SEMA3D: variants seen among roughly 807,000 people sequenced by gnomAD.
SEMA3D encodes the protein semaphorin-3D.
Under a neutral mutation model 100.1 loss-of-function variants are expected in SEMA3D, and 84 were observed. The ratio of observed to expected loss-of-function variants is 0.84; its 90% CI spans 0.70 to 1.01. SEMA3D has a LOEUF of 1.01. Among genes scored for constraint, SEMA3D ranks in the 50% least tolerant of loss-of-function variants. The probability of loss-of-function intolerance (pLI) is 0.00; values close to 1 mark genes in which losing one functional copy is unlikely to be tolerated. For missense variants in SEMA3D, 875 were observed against 934.1 expected, an observed-to-expected ratio of 0.94 and a Z score of 0.82; for synonymous variants, 312 against 320.7, an observed-to-expected ratio of 0.97 and a Z score of 0.29.
At chr7:85,125,090 TA>T (rs1203102422) in intron 2 of SEMA3D, among the ~76,000 whole-genome samples, 1 of 152,040 alleles carries the variant, frequency 6.6e-6, no homozygotes, top group Non-Finnish European at 1.5e-5. Context: ...AAGTGAAAGG[TA>T]AAATGAATGC....
At chr7:85,143,001 T>C in intron 2 of SEMA3D, 3 of 975,912 alleles carry the variant, frequency 3.1e-6, no homozygotes, top group Non-Finnish European at 3.7e-6. Context: ...CTAAACTTTT[T>C]TATCTTTTCA....
Position 85,083,740 on chromosome 7 carries a change from G to C in SEMA3D, c.313-2161C>G, listed in dbSNP as rs1445550401. On this transcript the variant is annotated intron_variant, in intron 4 of 18. Coordinates refer to ENST00000284136, the MANE Select transcript of SEMA3D (RefSeq NM_001384900.1). ...CGGGCGCCTGTAGTCCCAGCTACTC[G>C]GGAGGCTGAGGCAGGAGAATGGCGT... Among the ~76,000 whole-genome samples the C allele has an allele frequency of 1.6e-4, 23 of 148,194 alleles. 1 individual carries two copies. Among genetic ancestry groups the C allele is most frequent in the African/African-American group, 3.2e-4 (13 of 40,378 alleles).
chr7:85,225,319 C>T, the SEMA3D span, among the ~76,000 whole-genome samples: 1 of 149,568 alleles, frequency 6.7e-6, no homozygotes, highest in Non-Finnish European at 1.5e-5. Flanking sequence ...TTTTCTTTTC[C>T]CCTTCTCCTT....
chr7:85,152,349 G>T (rs556106852), intron 2 of SEMA3D, among the ~76,000 whole-genome samples: 2 of 152,038 alleles, frequency 1.3e-5, no homozygotes, highest in Admixed American at 1.3e-4. Context: ...TTTGATCTCC[G>T]ATCACCAAAT....
At chr7:85,066,892 T>TCACACACACACACACACACACACACACA (rs542898682) in intron 7 of SEMA3D, among the ~76,000 whole-genome samples, 1 of 106,876 alleles carries the variant, frequency 9.4e-6, no homozygotes, top group African/African-American at 3.9e-5. Context: ...AAATGTGCGC[T>TCACACACACACACACACACACACACACA]CACACACACA....
At chr7:85,187,897 C>T (rs556299340), upstream of SEMA3D, among the ~76,000 whole-genome samples, 4 of 152,312 alleles carry the variant, frequency 2.6e-5, no homozygotes, top group East Asian at 7.7e-4. Context: ...TTTTTAGCTG[C>T]ATGGTAAATC....
intron 12 of SEMA3D, among the ~76,000 whole-genome samples, chr7:85,036,267 T>A (rs1253517469): frequency 6.6e-6 from 1 of 152,120 alleles, no homozygotes; most frequent in Admixed American, 6.6e-5. Flanking sequence ...GAACTGCAGT[T>A]GTTTTTTGTT....
At chr7:85,116,347 T>C in intron 3 of SEMA3D, among the ~76,000 whole-genome samples, 1 of 146,600 alleles carries the variant, frequency 6.8e-6, no homozygotes, top group South Asian at 2.1e-4. Flanking sequence ...TTTATGTATA[T>C]TTATATATTA....
rs1348675734 is a variant in SEMA3D at position 85,081,502 on chromosome 7, C to G, written c.375+15G>C. ...AGAAGTTTTACAAAGATAATTGTTA[C>G]AGTTTCATACTTACATTGGCATCTT... On this transcript the variant is annotated intron_variant, in intron 5 of 18. Coordinates refer to ENST00000284136, the MANE Select transcript of SEMA3D (RefSeq NM_001384900.1). The G allele has an allele frequency of 6.5e-7, 1 of 1,547,568 alleles. No individual in the cohort carries two copies. Among genetic ancestry groups the G allele is most frequent in the Non-Finnish European group, 8.9e-7 (1 of 1,119,844 alleles).
At chr7:85,120,851 T>G (rs1424991710) in intron 3 of SEMA3D, among the ~76,000 whole-genome samples, 1 of 152,174 alleles carries the variant, frequency 6.6e-6, no homozygotes, top group Non-Finnish European at 1.5e-5. Flanking sequence ...ATTGTTTAAC[T>G]CTTTAATACA....
At chr7:85,191,526 G>C (rs1386719217), upstream of SEMA3D, among the ~76,000 whole-genome samples, 1 of 152,116 alleles carries the variant, frequency 6.6e-6, no homozygotes, top group African/African-American at 2.4e-5. Context: ...ATACCCAGCT[G>C]AGGCAAGCCT....
chr7:85,048,643 T>C (rs1469543057), intron 9 of SEMA3D, among the ~76,000 whole-genome samples: 1 of 151,884 alleles, frequency 6.6e-6, no homozygotes, highest in East Asian at 1.9e-4. Context: ...GCCTGTGGGT[T>C]TTCTTTTGCA....
intron 15 of SEMA3D, among the ~76,000 whole-genome samples, chr7:85,016,162 A>G (rs912677698): frequency 6.6e-6 from 1 of 151,260 alleles, no homozygotes; most frequent in African/African-American, 2.4e-5. Context: ...ACTGTTTGAC[A>G]CTAATGACTA....
intron 3 of SEMA3D, among the ~76,000 whole-genome samples, chr7:85,105,713 C>A (rs10264865): frequency 0.049 from 7,445 of 152,108 alleles, 368 homozygotes; most frequent in African/African-American, 0.13. Flanking sequence ...AAATCAAATT[C>A]TCTTGCTTTT....
chr7:85,214,818 G>T, the SEMA3D span, among the ~76,000 whole-genome samples: 4 of 152,142 alleles, frequency 2.6e-5, no homozygotes, highest in Middle Eastern at 3.4e-3. Context: ...TTATAATGAT[G>T]ATTTCAATGG....
intron 18 of SEMA3D, among the ~76,000 whole-genome samples, chr7:85,004,941 T>C (rs1789752851): frequency 6.6e-6 from 1 of 151,984 alleles, no homozygotes; most frequent in Non-Finnish European, 1.5e-5. Context: ...TATGAATATA[T>C]AATATACTTT....
At chr7:85,181,633 C>A (rs932997602) in intron 1 of SEMA3D, 34 of 177,742 alleles carry the variant, frequency 1.9e-4, no homozygotes, top group African/African-American at 8.1e-4. Flanking sequence ...AGAAGCCTAA[C>A]TCTCTACTCC....
At chr7:85,023,058 T>G (rs1431504048) in intron 12 of SEMA3D, among the ~76,000 whole-genome samples, 1 of 151,908 alleles carries the variant, frequency 6.6e-6, no homozygotes, top group African/African-American at 2.4e-5. Context: ...AACAAACAGT[T>G]CACAAAAATT....
the SEMA3D span, among the ~76,000 whole-genome samples, chr7:85,249,690 A>G: frequency 2.0e-5 from 3 of 152,348 alleles, no homozygotes; most frequent in African/African-American, 7.2e-5. Flanking sequence ...TGTGGTGTTA[A>G]TCAGAACCTG....
Sources: gnomAD v4.1 joint callset for allele counts (sites outside exome capture counted in the v4.1 genomes callset) on GRCh38, gnomAD v4.1.1 for gene constraint, MANE v1.5 for transcripts, NCBI Gene and HGNC (gene_info 2026-07-23, HGNC 2026-07-21) for gene names.